The following SH3D19 variants were observed in gnomAD, a reference collection of about 807,000 sequenced individuals.
The protein encoded by SH3D19 is SH3 domain-containing protein 19.
SH3D19 carries 58 observed loss-of-function variants against 112.1 expected under a neutral mutation model. The observed-to-expected ratio is 0.52, with a 90% confidence interval of 0.42 to 0.64. The LOEUF is 0.64. SH3D19 is among the 30% of genes least tolerant of loss of function. The pLI is 0.00. For missense variants in SH3D19, 1,090 were observed against 1,263.4 expected (o/e 0.86, Z 2.08); for synonymous variants, 391 against 448.5 (o/e 0.87, Z 1.62).
chr4:151,303,451 T>C (rs1728647133), intron 1 of SH3D19, among the ~76,000 whole-genome samples: 1 of 152,250 alleles, frequency 6.6e-6, no homozygotes, highest in African/African-American at 2.4e-5. Context: ...AGAAATATAC[T>C]GGACCAGCAG....
chr4:151,135,709 G>A (rs1038035187), intron 14 of SH3D19, among the ~76,000 whole-genome samples: 9 of 152,004 alleles, frequency 5.9e-5, no homozygotes, highest in Admixed American at 2.6e-4. Flanking sequence ...TATTATAGGT[G>A]TGAGCTGCCG....
chr4:151,235,104 A>C (rs1399855764), intron 1 of SH3D19, among the ~76,000 whole-genome samples: 1 of 151,808 alleles, frequency 6.6e-6, no homozygotes, highest in African/African-American at 2.4e-5. Flanking sequence ...ACATGTTTCA[A>C]AGGGGTTTGG....
chr4:151,164,418 A>G (rs1249408476), intron 8 of SH3D19, among the ~76,000 whole-genome samples: 1 of 152,196 alleles, frequency 6.6e-6, no homozygotes, highest in Non-Finnish European at 1.5e-5. Context: ...GGTGCCTAAA[A>G]TAAATAATTC....
At chr4:151,201,175 T>C (rs1261672663) in intron 2 of SH3D19, among the ~76,000 whole-genome samples, 2 of 152,232 alleles carry the variant, frequency 1.3e-5, no homozygotes, top group African/African-American at 2.4e-5. Context: ...ATGAAGATTA[T>C]AGCCAAACCA....
Position 151,310,679 on chromosome 4 carries a change from C to T in SH3D19, c.112+14562G>A, listed in dbSNP as rs1729365024. Among the ~76,000 whole-genome samples the T allele has an allele frequency of 2.6e-5, 4 of 151,472 alleles. No homozygotes were observed. In the South Asian group the frequency reaches 8.4e-4, roughly 32 times the overall value. On this transcript the variant is annotated intron_variant, in intron 1 of 19. Transcript: ENST00000604030. ...CTCCACCTCCCGGGTTCAAGTGATT[C>T]TCATGCCTTGGCCTGCTGAGTAGCT...
At position 151,149,485 on chromosome 4, in the gene SH3D19, C is replaced by T; in HGVS notation, c.1817+15G>A. 4 of 1,605,724 alleles carry T rather than the reference C, an allele frequency of 2.5e-6. No homozygotes were observed. The highest frequency in any genetic ancestry group is 1.7e-4 in the Middle Eastern group (1 of 6,030). The stretch of plus-strand genomic sequence containing the variant: ...AGTCATTAATTTTTCTCTAACTTTT[C>T]CCACATTTACTTACCTCGGTGGCAA... On this transcript the variant is annotated intron_variant, in intron 10 of 19. Transcript: ENST00000604030.
At chr4:151,254,161 C>CT (rs1201341548) in intron 1 of SH3D19, among the ~76,000 whole-genome samples, 2 of 152,158 alleles carry the variant, frequency 1.3e-5, no homozygotes, top group Admixed American at 1.3e-4. Context: ...ATGTAAAACA[C>CT]TATCAGGCTT....
chr4:151,133,159 A>G lies in SH3D19; in HGVS notation c.2564T>C (p.Ile855Thr). Residue 855 changes from isoleucine (I) to threonine (T), a missense_variant, in exon 16 of 20, where the codon ATT becomes ACT. Ile to Thr is a moderately conservative substitution (Grantham distance 89). Transcript: ENST00000604030. ...CTCATTCACATACTCTTTAAGAATAATAATTTCTCCCTCTGAGAAACTCAA... is the reference window on the plus strand; with the variant it reads ...CTCATTCACATACTCTTTAAGAATAGTAATTTCTCCCTCTGAGAAACTCAA... ...DELSFSEGEI[I>T]ILKEYVNEEW... is the part of the protein sequence containing the mutation. 6.2e-7 allele frequency: 1 copy of G among 1,614,194 alleles called. No individual in the cohort carries two copies. The highest frequency in any genetic ancestry group is 2.2e-5 in the East Asian group (1 of 44,884).
At chr4:151,147,852 G>A (rs1423657650) in intron 11 of SH3D19, 70 bp downstream of exon 11, 1 of 1,486,640 alleles carries the variant, frequency 6.7e-7, no homozygotes, top group East Asian at 2.3e-5. Context: ...TTTTTCTAAG[G>A]AATGATGAAT....
chr4:151,175,865 T>G (rs1759869330), intron 6 of SH3D19, among the ~76,000 whole-genome samples, 191 bp from the exon 7 acceptor site: 1 of 152,100 alleles, frequency 6.6e-6, no homozygotes, highest in Non-Finnish European at 1.5e-5. Flanking sequence ...AGGAGTGCTC[T>G]TCATATAACA....
chr4:151,170,228 T>C (rs896722508), intron 7 of SH3D19, among the ~76,000 whole-genome samples: 3 of 152,208 alleles, frequency 2.0e-5, no homozygotes, highest in Admixed American at 6.6e-5. Context: ...AATCTCTGAA[T>C]TGTTTGACTT....
In SH3D19 at chr4:151,283,168, G is replaced by T. The variant is rs372546589; in HGVS notation, c.112+42073C>A. 35 of 1,613,766 alleles carry T rather than the reference G, an allele frequency of 2.2e-5. No individual in the cohort carries two copies. Among genetic ancestry groups the T allele is most frequent in the Non-Finnish European group, 2.8e-5 (33 of 1,179,776 alleles). On this transcript the variant is annotated intron_variant, in intron 1 of 19. Coordinates refer to ENST00000604030, the MANE Select transcript of SH3D19 (RefSeq NM_001378122.1). ...GAAGCAGAAGTACCCATTATTGACC[G>T]CCAGGCTTGTGAACAGCTCTACAAT...
chr4:151,310,334 A>G (rs1006983873), intron 1 of SH3D19, among the ~76,000 whole-genome samples: 1 of 151,818 alleles, frequency 6.6e-6, no homozygotes, highest in African/African-American at 2.4e-5. Context: ...TGATCACACC[A>G]CCACACTCCA....
intron 1 of SH3D19, among the ~76,000 whole-genome samples, chr4:151,240,492 TCA>T (rs1388210031): frequency 2.6e-5 from 4 of 151,890 alleles, no homozygotes; most frequent in Admixed American, 2.6e-4. Flanking sequence ...GCTTAATTTC[TCA>T]GTCTCACCAT....
chr4:151,305,953 C>T (rs1396283398), intron 1 of SH3D19, among the ~76,000 whole-genome samples: 2 of 152,144 alleles, frequency 1.3e-5, no homozygotes, highest in African/African-American at 4.8e-5. Flanking sequence ...GGCAGTAAAA[C>T]AGATCAAACT....
chr4:151,226,304 T>C, intron 1 of SH3D19: 1 of 1,200,188 alleles, frequency 8.3e-7, no homozygotes, highest in East Asian at 3.4e-5. Context: ...GTTAAAATCA[T>C]CTACTTGGAA....
chr4:151,214,428 C>A (rs1157231740), intron 2 of SH3D19, among the ~76,000 whole-genome samples: 2 of 18,172 alleles, frequency 1.1e-4, no homozygotes, highest in African/African-American at 1.5e-4. Context: ...GCGCCCCTCA[C>A]CTCCCGGACG....
At chr4:151,275,848 ATTTT>A (rs370367821) in intron 1 of SH3D19, among the ~76,000 whole-genome samples, 63 of 135,268 alleles carry the variant, frequency 4.7e-4, no homozygotes, top group African/African-American at 1.8e-3. Context: ...TATTATTATT[ATTTT>A]TTTTTTTTTA....
chr4:151,284,906 G>C (rs533553988), intron 1 of SH3D19, among the ~76,000 whole-genome samples: 1 of 152,290 alleles, frequency 6.6e-6, no homozygotes, highest in Non-Finnish European at 1.5e-5. Flanking sequence ...TTTGAGCAGA[G>C]TTTATATGCA....
Sources: allele counts gnomAD v4.1 joint callset (sites outside exome capture counted in the v4.1 genomes callset), GRCh38; gene constraint gnomAD v4.1.1; transcripts MANE v1.5; gene names NCBI Gene and HGNC (gene_info 2026-07-23, HGNC 2026-07-21).